COL25A1: variants seen among roughly 807,000 people sequenced by gnomAD.
The protein encoded by COL25A1 is collagen type XXV alpha 1 chain, also known as collagen alpha-1(XXV) chain.
A neutral mutation model predicts 128.4 loss-of-function variants in COL25A1; 103 were observed. The observed-to-expected ratio is 0.80, with a 90% CI of 0.68 to 0.94. The LOEUF (loss-of-function observed/expected upper bound fraction) is 0.94. Among genes scored for constraint, COL25A1 ranks in the 40% least tolerant of loss-of-function variants. The pLI, the probability that COL25A1 is intolerant of heterozygous loss-of-function variation, is 0.00. For missense variants in COL25A1, 745 were observed against 840.0 expected, an observed-to-expected ratio of 0.89 and a Z score of 1.40; for synonymous variants, 279 against 277.2, an observed-to-expected ratio of 1.01 and a Z score of -0.06.
intron 3 of COL25A1, among the ~76,000 whole-genome samples, chr4:109,134,965 G>A (rs1769569581): frequency 6.7e-6 from 1 of 148,650 alleles, no homozygotes; most frequent in South Asian, 2.1e-4. Flanking sequence ...GAGGGAGTGG[G>A]CAAAGAGGAA....
chr4:109,272,753 G>A (rs1214845800), intron 3 of COL25A1, among the ~76,000 whole-genome samples: 3 of 152,216 alleles, frequency 2.0e-5, no homozygotes, highest in South Asian at 2.1e-4. Context: ...TGCAGGGAGC[G>A]TTATCATCTG....
chr4:109,156,470 A>C (rs1772045450), intron 3 of COL25A1, among the ~76,000 whole-genome samples: 1 of 152,206 alleles, frequency 6.6e-6, no homozygotes. Flanking sequence ...TCAAACAGCA[A>C]GCTATGAAAG....
chr4:109,016,235 G>C (rs1281767658), intron 5 of COL25A1, among the ~76,000 whole-genome samples: 1 of 152,226 alleles, frequency 6.6e-6, no homozygotes, highest in Non-Finnish European at 1.5e-5. Flanking sequence ...AACCAAGCTG[G>C]GTGTGTGCAT....
intron 3 of COL25A1, among the ~76,000 whole-genome samples, chr4:109,060,384 G>A (rs1454996152): frequency 1.3e-5 from 2 of 152,024 alleles, no homozygotes; most frequent in South Asian, 2.1e-4. Flanking sequence ...TTCTTCCATG[G>A]CCCCCTTGAC....
chr4:109,126,321 G>A (rs945399201), intron 3 of COL25A1, among the ~76,000 whole-genome samples: 5 of 151,964 alleles, frequency 3.3e-5, no homozygotes, highest in African/African-American at 1.2e-4. Context: ...GACTTTCAAG[G>A]AATAAGAATG....
chr4:109,061,564 T>C (rs983910251), intron 3 of COL25A1, among the ~76,000 whole-genome samples: 1 of 152,204 alleles, frequency 6.6e-6, no homozygotes, highest in Non-Finnish European at 1.5e-5. Context: ...TGCCAAATTA[T>C]CTTGCTAAAC....
At chr4:108,900,963 A>G (rs1017335895) in intron 14 of COL25A1, among the ~76,000 whole-genome samples, 156 bp downstream of exon 14, 8 of 152,176 alleles carry the variant, frequency 5.3e-5, no homozygotes, top group African/African-American at 1.9e-4. Flanking sequence ...TTAATTCATT[A>G]GTAACAAAGT....
At chr4:109,261,376 G>T (rs940794442) in intron 3 of COL25A1, among the ~76,000 whole-genome samples, 7 of 152,080 alleles carry the variant, frequency 4.6e-5, no homozygotes, top group African/African-American at 1.7e-4. Context: ...AATTAGCCAG[G>T]TATGGTAGAG....
intron 3 of COL25A1, among the ~76,000 whole-genome samples, chr4:109,294,580 C>T (rs1283936210): frequency 1.3e-5 from 2 of 152,014 alleles, no homozygotes; most frequent in African/African-American, 4.8e-5. Flanking sequence ...TGGAACTTCA[C>T]CCATATTGGC....
intron 3 of COL25A1, among the ~76,000 whole-genome samples, chr4:109,213,680 C>T (rs141232489): frequency 5.1e-4 from 77 of 152,278 alleles, no homozygotes; most frequent in African/African-American, 1.8e-3. Context: ...GAAACGAAGT[C>T]AAATCCTATC....
intron 3 of COL25A1, among the ~76,000 whole-genome samples, chr4:109,220,388 T>C (rs1778326201): frequency 6.6e-6 from 1 of 152,168 alleles, no homozygotes; most frequent in Non-Finnish European, 1.5e-5. Context: ...TAACTCTACA[T>C]GGCAGAATTT....
intron 3 of COL25A1, among the ~76,000 whole-genome samples, chr4:109,239,666 C>T (rs2126229805): frequency 6.6e-6 from 1 of 151,596 alleles, no homozygotes; most frequent in East Asian, 1.9e-4. Flanking sequence ...AGGCCTAGGA[C>T]ATTACTGTAC....
intron 5 of COL25A1, chr4:109,021,672 C>A: frequency 4.5e-6 from 2 of 447,098 alleles, no homozygotes; most frequent in Non-Finnish European, 4.5e-6. Context: ...TTTCTTCTTG[C>A]AGAGAGCCTA....
At chr4:109,263,180 T>C (rs1178668107) in intron 3 of COL25A1, among the ~76,000 whole-genome samples, 1 of 152,114 alleles carries the variant, frequency 6.6e-6, no homozygotes, top group African/African-American at 2.4e-5. Flanking sequence ...AAGAGCAATA[T>C]TTTAAAATTG....
intron 3 of COL25A1, among the ~76,000 whole-genome samples, chr4:109,291,488 T>C (rs1001009175): frequency 7.9e-5 from 12 of 152,118 alleles, no homozygotes; most frequent in African/African-American, 2.9e-4. Flanking sequence ...GAAGTATCTT[T>C]AGAAGATCCT....
intron 31 of COL25A1, chr4:108,838,083 GTTTTC>G (rs1200580200): frequency 5.9e-6 from 9 of 1,536,546 alleles, no homozygotes; most frequent in South Asian, 4.8e-5. Context: ...AAAATGGAAA[GTTTTC>G]TTTACTTACT....
intron 3 of COL25A1, among the ~76,000 whole-genome samples, chr4:109,269,901 A>G (rs1782076597): frequency 6.6e-6 from 1 of 152,220 alleles, no homozygotes; most frequent in African/African-American, 2.4e-5. Flanking sequence ...CCTGGGATGC[A>G]AGGCTGGTTC....
At chr4:108,968,189 T>C (rs1751533829) in intron 8 of COL25A1, among the ~76,000 whole-genome samples, 1 of 152,192 alleles carries the variant, frequency 6.6e-6, no homozygotes, top group South Asian at 2.1e-4. Context: ...GTTATTATAT[T>C]ACACCTAAAA....
chr4:109,227,612 AT>A (rs1171455842), intron 3 of COL25A1, among the ~76,000 whole-genome samples: 1 of 151,888 alleles, frequency 6.6e-6, no homozygotes, highest in African/African-American at 2.4e-5. Flanking sequence ...TAGCTTTTAA[AT>A]TTTTATCTTT....
Sources: gnomAD v4.1 joint callset for allele counts (sites outside exome capture counted in the v4.1 genomes callset) on GRCh38, gnomAD v4.1.1 for gene constraint, MANE v1.5 for transcripts, NCBI Gene and HGNC (gene_info 2026-07-23, HGNC 2026-07-21) for gene names.